Variants in LACTBL1 observed in about 807,000 individuals in gnomAD.
LACTBL1 encodes the protein beta-lactamase-like protein 1.
A neutral mutation model predicts 39.6 loss-of-function variants in LACTBL1; 29 were observed. That is an observed-to-expected ratio of 0.73 (90% CI 0.55 to 1.00). LACTBL1 has a LOEUF of 1.00. Among genes scored for constraint, LACTBL1 ranks in the 50% least tolerant of loss-of-function variants. The pLI, the probability that LACTBL1 is intolerant of heterozygous loss-of-function variation, is 0.00. For synonymous variants in LACTBL1, 361 were observed against 360.7 expected, an observed-to-expected ratio of 1.00 and a Z score of -0.01; for missense variants, 711 against 748.5, an observed-to-expected ratio of 0.95 and a Z score of 0.59.
At chr1:22,957,931 C>T (rs1438487527) in intron 4 of LACTBL1, among the ~76,000 whole-genome samples, 3 of 152,114 alleles carry the variant, frequency 2.0e-5, no homozygotes, top group African/African-American at 7.2e-5. Context: ...GGATTAAAGG[C>T]GTGAGCCACC....
chr1:22,953,652 C>G (rs1640731544), exon 6 of LACTBL1: 11 of 1,271,510 alleles, frequency 8.7e-6, no homozygotes, highest in Non-Finnish European at 9.9e-6. Flanking sequence ...GCGTGCCCGT[C>G]TCGTTGGCGA....
chr1:22,972,024 G>C, the LACTBL1 span, among the ~76,000 whole-genome samples: 1 of 152,148 alleles, frequency 6.6e-6, no homozygotes, highest in Admixed American at 6.5e-5. Flanking sequence ...ACTCCAGGCA[G>C]AGGCCTCTGG....
intron 2 of LACTBL1, among the ~76,000 whole-genome samples, chr1:22,960,676 G>A (rs527434388): frequency 5.5e-5 from 8 of 146,648 alleles, no homozygotes; most frequent in Non-Finnish European, 7.5e-5. Flanking sequence ...CATGTCTGAC[G>A]CCCTAAAAAA....
intron 2 of LACTBL1, among the ~76,000 whole-genome samples, chr1:22,960,386 C>A (rs948653553): frequency 6.6e-6 from 1 of 152,122 alleles, no homozygotes; most frequent in Non-Finnish European, 1.5e-5. Context: ...GAAGCCAAGG[C>A]GGGCAGATCA....
chr1:22,953,439 C>T, exon 6 of LACTBL1: 6 of 1,227,550 alleles, frequency 4.9e-6, no homozygotes, highest in Non-Finnish European at 6.1e-6. Context: ...CGGGCTCGGC[C>T]TCCCGGAGGG....
At position 22,958,929 on chromosome 1, in the gene LACTBL1, T is replaced by C. The variant is rs1031092074; in HGVS notation, c.318-9A>G. 4 of 1,536,906 alleles carry C rather than the reference T, an allele frequency of 2.6e-6. No homozygotes were observed. The highest frequency in any genetic ancestry group is 1.4e-5 in the African/African-American group (1 of 72,840). On this transcript the variant is annotated splice_polypyrimidine_tract_variant and intron_variant, in intron 3 of 5. Coordinates refer to ENST00000426928, the Ensembl canonical transcript of LACTBL1. ...TGGAGATGCTGGAGATCCTAGATAA[T>C]GTTGGGAATACAAGCAGTCAAAGGG...
At position 22,955,424 on chromosome 1, in the gene LACTBL1, G is replaced by T. The variant is rs72655581; in HGVS notation, c.556C>A (p.Leu186Met). The stretch of plus-strand genomic sequence containing the variant: ...GAAGTGGAGCGCAGCCTTCTGGGCA[G>T]CCCTAGGGAGGAGCAGTGGTCAGAC... The change falls in exon 5 of 6, where the codon CTG becomes ATG. Residue 186 changes from leucine to methionine, a missense_variant and splice_region_variant. Transcript: ENST00000426928. The T allele has an allele frequency of 5.0e-3, 7,765 of 1,548,110 alleles. 40 individuals carry two copies. The highest frequency in any genetic ancestry group is 5.8e-3 in the Non-Finnish European group (6,678 of 1,146,062).
At chr1:22,958,832 C>G in exon 4 of LACTBL1, 2 of 1,550,666 alleles carry the variant, frequency 1.3e-6, no homozygotes, top group Non-Finnish European at 1.7e-6. Flanking sequence ...GCATACCGCT[C>G]CAGAGGGTCA....
chr1:22,963,487 T>A (rs981568298), intron 1 of LACTBL1, among the ~76,000 whole-genome samples: 2 of 152,138 alleles, frequency 1.3e-5, no homozygotes, highest in Non-Finnish European at 2.9e-5. Context: ...GCTTCCCATC[T>A]CCTGTGGTCA....
intron 4 of LACTBL1, among the ~76,000 whole-genome samples, chr1:22,956,526 T>G (rs867129180): frequency 1.3e-5 from 2 of 152,180 alleles, no homozygotes; most frequent in African/African-American, 4.8e-5. Context: ...TCCTACCTTT[T>G]GGAGTTGATG....
At chr1:22,959,573 T>C (rs1267107201) in intron 3 of LACTBL1, among the ~76,000 whole-genome samples, 1 of 152,242 alleles carries the variant, frequency 6.6e-6, no homozygotes, top group Non-Finnish European at 1.5e-5. Flanking sequence ...TCTGGGCCAC[T>C]GCTGCCACTT....
At chr1:22,958,792 C>T (rs1311006587) in exon 4 of LACTBL1, 2 of 1,550,668 alleles carry the variant, frequency 1.3e-6, no homozygotes, top group South Asian at 2.4e-5. Flanking sequence ...TGATGCCAGG[C>T]CCAGCGGGTT....
chr1:22,958,982 C>T, intron 3 of LACTBL1, 62 bp from the exon 6 acceptor site: 1 of 1,107,618 alleles, frequency 9.0e-7, no homozygotes, highest in Non-Finnish European at 1.3e-6. Flanking sequence ...AACCCACCTC[C>T]TGCCCCCATC....
At chr1:22,958,614 G>T in intron 4 of LACTBL1, 71 bp downstream of exon 6, 1 of 1,314,198 alleles carries the variant, frequency 7.6e-7, no homozygotes, top group Non-Finnish European at 1.0e-6. Flanking sequence ...AGCCTGGCTG[G>T]ATGAGAACCT....
intron 2 of LACTBL1, among the ~76,000 whole-genome samples, chr1:22,962,289 C>G (rs1288288334): frequency 6.6e-6 from 1 of 152,144 alleles, no homozygotes; most frequent in Non-Finnish European, 1.5e-5. Context: ...TCTGCATTGG[C>G]CCACACGTTC....
the LACTBL1 span, among the ~76,000 whole-genome samples, chr1:22,971,085 G>A: frequency 6.6e-6 from 1 of 152,178 alleles, no homozygotes; most frequent in African/African-American, 2.4e-5. Context: ...CCCCTAACTG[G>A]CACCTAAGGT....
intron 5 of LACTBL1, 88 bp downstream of exon 7, chr1:22,955,233 G>T: frequency 9.5e-7 from 1 of 1,052,776 alleles, no homozygotes; most frequent in Non-Finnish European, 1.4e-6. Context: ...GCCAACCTAG[G>T]ATGAGGTGAT....
At chr1:22,953,767 G>T (rs1403755740) in exon 6 of LACTBL1, 7 of 1,477,950 alleles carry the variant, frequency 4.7e-6, no homozygotes, top group Non-Finnish European at 6.3e-6. Context: ...GGCCAGCTTG[G>T]CCAGGTCGGC....
At chr1:22,957,150 A>G (rs771790773) in intron 4 of LACTBL1, among the ~76,000 whole-genome samples, 20 of 152,102 alleles carry the variant, frequency 1.3e-4, no homozygotes, top group Non-Finnish European at 2.6e-4. Flanking sequence ...TTTCCTACTT[A>G]GTATTCTATC....
Sources: allele counts gnomAD v4.1 joint callset (sites outside exome capture counted in the v4.1 genomes callset), GRCh38; gene constraint gnomAD v4.1.1; transcripts MANE v1.5; gene names NCBI Gene and HGNC (gene_info 2026-07-23, HGNC 2026-07-21).